CYBRD1: variants seen among roughly 807,000 people sequenced by gnomAD.
The protein encoded by CYBRD1 is cytochrome b reductase 1.
CYBRD1 carries 14 observed loss-of-function variants against 21.9 expected under a neutral mutation model. The ratio of observed to expected loss-of-function variants is 0.64; its 90% CI spans 0.42 to 1.00. The LOEUF (loss-of-function observed/expected upper bound fraction) is 1.00, where lower values mean the gene tolerates loss of function less well. Ranked by LOEUF, CYBRD1 falls within the 50% of genes least tolerant of loss-of-function variation. CYBRD1 has a pLI of 0.00. For synonymous variants in CYBRD1, 146 were observed against 136.5 expected (o/e 1.07, Z -0.48); for missense variants, 328 against 352.5 (o/e 0.93, Z 0.56).
chr2:171,542,904 C>A (rs894283516), intron 2 of CYBRD1, among the ~76,000 whole-genome samples: 10 of 151,946 alleles, frequency 6.6e-5, no homozygotes, highest in South Asian at 4.2e-4. Flanking sequence ...AAATAAAAAT[C>A]TTTGGGGTTT....
At chr2:171,532,875 ATGTGTGTGTGTGTG>A (rs10618404) in intron 1 of CYBRD1, among the ~76,000 whole-genome samples, 258 of 147,404 alleles carry the variant, frequency 1.8e-3, no homozygotes, top group African/African-American at 5.5e-3. Flanking sequence ...CCATTTCACG[ATGTGTGTGTGTGTG>A]TGTGTGTGTG....
intron 2 of CYBRD1, among the ~76,000 whole-genome samples, chr2:171,552,854 T>C (rs1288846683): frequency 6.6e-6 from 1 of 151,808 alleles, no homozygotes; most frequent in East Asian, 1.9e-4. Flanking sequence ...TGTGTCCTAA[T>C]GTACTCGGTT....
At chr2:171,530,531 T>A (rs1697450186) in intron 1 of CYBRD1, among the ~76,000 whole-genome samples, 2 of 152,112 alleles carry the variant, frequency 1.3e-5, no homozygotes, top group South Asian at 4.1e-4. Context: ...TGTACACTTG[T>A]GTGAGAGGTG....
At chr2:171,524,240 G>A (rs1352899805) in intron 1 of CYBRD1, among the ~76,000 whole-genome samples, 2 of 151,942 alleles carry the variant, frequency 1.3e-5, no homozygotes, top group African/African-American at 2.4e-5. Flanking sequence ...GGCACCTAAG[G>A]CATTTCGTTG....
At chr2:171,528,094 A>AT (rs148151471) in intron 1 of CYBRD1, among the ~76,000 whole-genome samples, 16,605 of 151,204 alleles carry the variant, frequency 0.11, 1,183 homozygotes, top group Non-Finnish European at 0.15. Context: ...ATTTTATTTT[A>AT]TTTTTTTTGA....
At chr2:171,549,081 C>A (rs1381518294) in intron 2 of CYBRD1, among the ~76,000 whole-genome samples, 4 of 151,810 alleles carry the variant, frequency 2.6e-5, no homozygotes, top group Non-Finnish European at 1.5e-5. Context: ...CTATTCTATT[C>A]TATTTATTTA....
rs1410193196 is a variant in CYBRD1 at position 171,554,538 on chromosome 2, A to G, written c.572A>G (p.Tyr191Cys). 6.2e-7 allele frequency: 1 copy of G among 1,613,994 alleles called. No individual in the cohort carries two copies. Among genetic ancestry groups the G allele is most frequent in the Non-Finnish European group, 8.5e-7 (1 of 1,179,924 alleles). The change falls in exon 4 of 4, where the codon TAC becomes TGC. Residue 191 changes from tyrosine (Y) to cysteine (C), a missense_variant. Transcript: ENST00000321348. ...KLIFSLRDPA[Y>C]STFPPEGVFV... ...TTATTTCATAGGAGAGATCCTGCAT[A>G]CAGTACATTCCCGCCAGAAGGTGTT...
At chr2:171,544,833 G>T (rs1472968594) in intron 2 of CYBRD1, among the ~76,000 whole-genome samples, 5 of 152,140 alleles carry the variant, frequency 3.3e-5, no homozygotes, top group Admixed American at 3.3e-4. Flanking sequence ...TAGAGAAGTA[G>T]AGAGAAAAAT....
At chr2:171,529,387 C>T (rs183326521) in intron 1 of CYBRD1, among the ~76,000 whole-genome samples, 85 of 152,008 alleles carry the variant, frequency 5.6e-4, no homozygotes, top group Non-Finnish European at 9.6e-4. Context: ...CAAAATTAGC[C>T]GGGCAGGGTG....
intron 1 of CYBRD1, among the ~76,000 whole-genome samples, chr2:171,524,206 G>GGCATCAGGGTGTGAGATCT (rs1420628355): frequency 4.8e-5 from 2 of 41,660 alleles, no homozygotes; most frequent in Non-Finnish European, 9.8e-5. Context: ...GTGTGAGATC[G>GGCATCAGGGTGTGAGATCT]GCATCAGGGT....
chr2:171,545,920 T>C (rs1333608758), intron 2 of CYBRD1, among the ~76,000 whole-genome samples: 2 of 152,206 alleles, frequency 1.3e-5, no homozygotes, highest in Non-Finnish European at 2.9e-5. Flanking sequence ...TTAAGTTTTC[T>C]TCTTTAACAT....
rs1381394172 is a variant in CYBRD1 at position 171,555,960 on chromosome 2, G to A, written c.*1133G>A. ...TGAATAAACCTCAATTGCTGGAGTG[G>A]GGTGTAGTTATTAAAGGGATGCTTT... On this transcript the variant is annotated 3_prime_UTR_variant, in exon 4 of 4. Coordinates refer to ENST00000321348, the MANE Select transcript of CYBRD1 (RefSeq NM_024843.4). 6.6e-6 allele frequency: 1 copy of A among 152,166 alleles called. No individual in the cohort carries two copies. Among genetic ancestry groups the A allele is most frequent in the Non-Finnish European group, 1.5e-5 (1 of 68,034 alleles). The allele number at this position is 152,166 out of a possible 1,614,324, so 9.4% of individuals were successfully genotyped here.
intron 2 of CYBRD1, among the ~76,000 whole-genome samples, chr2:171,549,406 AC>A (rs1306117954): frequency 1.3e-5 from 2 of 152,168 alleles, no homozygotes; most frequent in Non-Finnish European, 2.9e-5. Context: ...TTAAAAGTAA[AC>A]TTTTATTGTC....
At chr2:171,524,477 C>T (rs1431425769) in intron 1 of CYBRD1, among the ~76,000 whole-genome samples, 2 of 152,188 alleles carry the variant, frequency 1.3e-5, no homozygotes, top group African/African-American at 4.8e-5. Context: ...AATATCTTCT[C>T]ATAATTGAGG....
chr2:171,523,104 C>A, intron 1 of CYBRD1: 1 of 330,092 alleles, frequency 3.0e-6, no homozygotes, highest in Admixed American at 5.0e-5. Context: ...GGCGCGATGC[C>A]GGAGCGCCGC....
rs759719738 is a variant in CYBRD1 at position 171,553,365 on chromosome 2, T to A, written c.422T>A (p.Val141Asp). The A allele has an allele frequency of 1.9e-6, 3 of 1,613,554 alleles. No individual in the cohort carries two copies. In the South Asian group the frequency reaches 3.3e-5, roughly 18 times the overall value. The part of the protein sequence containing the change: ...YLLQLLSGFS[V>D]FLLPWAPLSL... Reference sequence around the variant, plus strand: ...GTTTAGCTTCTTTCAGGTTTTTCAGTCTTTCTGCTTCCATGGGCTCCGCTT... The same window carrying A: ...GTTTAGCTTCTTTCAGGTTTTTCAGACTTTCTGCTTCCATGGGCTCCGCTT... The change falls in exon 3 of 4, where the codon GTC becomes GAC. Residue 141 changes from valine to aspartate, a missense_variant. Physicochemically the swap from Val to Asp is radical, Grantham distance 152. Transcript: ENST00000321348.
intron 1 of CYBRD1, chr2:171,523,395 G>C: frequency 4.1e-6 from 1 of 244,686 alleles, no homozygotes; most frequent in Non-Finnish European, 8.9e-6. Context: ...AGTCGAGTCC[G>C]GGAAGCTGCC....
intron 1 of CYBRD1, among the ~76,000 whole-genome samples, chr2:171,525,126 C>CG (rs1697365821): frequency 6.6e-6 from 1 of 152,058 alleles, no homozygotes; most frequent in African/African-American, 2.4e-5. Flanking sequence ...TTAGTAGAGA[C>CG]GGGGTTTCAC....
chr2:171,526,401 GTCCCTC>G (rs1178180138), intron 1 of CYBRD1, among the ~76,000 whole-genome samples: 3 of 150,510 alleles, frequency 2.0e-5, no homozygotes, highest in Non-Finnish European at 4.4e-5. Flanking sequence ...TCTCCTCTGT[GTCCCTC>G]TCCCTTCCTT....
Sources: allele counts gnomAD v4.1 joint callset (sites outside exome capture counted in the v4.1 genomes callset), GRCh38; gene constraint gnomAD v4.1.1; transcripts MANE v1.5; gene names NCBI Gene and HGNC (gene_info 2026-07-23, HGNC 2026-07-21).